Variants in PRKCH observed in about 807,000 individuals in gnomAD.
PRKCH encodes protein kinase C eta type.
Under a neutral mutation model 82.5 loss-of-function variants are expected in PRKCH, and 28 were observed. That is an observed-to-expected ratio of 0.34 (90% CI 0.25 to 0.47). PRKCH has a LOEUF of 0.47. Among genes scored for constraint, PRKCH ranks in the 20% least tolerant of loss-of-function variants. PRKCH has a pLI of 1.00. For synonymous variants in PRKCH, 322 were observed against 327.4 expected, an observed-to-expected ratio of 0.98 and a Z score of 0.18; for missense variants, 705 against 881.8, an observed-to-expected ratio of 0.80 and a Z score of 2.54.
intron 1 of PRKCH, among the ~76,000 whole-genome samples, chr14:61,241,137 C>G (rs2044833322): frequency 3.9e-5 from 6 of 152,158 alleles, no homozygotes; most frequent in Admixed American, 3.9e-4. Flanking sequence ...GCTCACAGAA[C>G]TCAGGAAATA....
chr14:61,252,812 C>T (rs1396512805), intron 1 of PRKCH, among the ~76,000 whole-genome samples: 3 of 152,210 alleles, frequency 2.0e-5, no homozygotes, highest in Non-Finnish European at 4.4e-5. Context: ...TGCAATCCCA[C>T]CTCCAAAGCC....
At chr14:61,541,915 G>A (rs1383777683) in intron 12 of PRKCH, among the ~76,000 whole-genome samples, 2 of 152,236 alleles carry the variant, frequency 1.3e-5, no homozygotes, top group African/African-American at 2.4e-5. Context: ...GATTTGCAAA[G>A]AAGCTGCTCC....
At chr14:61,268,369 A>G (rs1360478105) in intron 1 of PRKCH, among the ~76,000 whole-genome samples, 1 of 152,220 alleles carries the variant, frequency 6.6e-6, no homozygotes, top group East Asian at 1.9e-4. Flanking sequence ...ATAGTTTACA[A>G]AAATTTATAT....
At chr14:61,317,233 T>C (rs1292761108), upstream of PRKCH, among the ~76,000 whole-genome samples, 2 of 152,092 alleles carry the variant, frequency 1.3e-5, no homozygotes, top group Non-Finnish European at 2.9e-5. Context: ...AACAAGCCCT[T>C]CTTCTAGTGA....
chr14:61,287,251 T>C (rs1451064923), intron 1 of PRKCH, among the ~76,000 whole-genome samples: 3 of 123,970 alleles, frequency 2.4e-5, no homozygotes, highest in Admixed American at 8.8e-5. Context: ...CCAGCAAGGA[T>C]AGGGCTGGAC....
intron 1 of PRKCH, among the ~76,000 whole-genome samples, chr14:61,352,848 A>C (rs1447787053): frequency 6.6e-6 from 1 of 152,222 alleles, no homozygotes; most frequent in African/African-American, 2.4e-5. Flanking sequence ...ATAGGCCTGC[A>C]TCGTTAATTT....
intron 10 of PRKCH, among the ~76,000 whole-genome samples, chr14:61,523,815 T>A (rs143442125): frequency 2.6e-5 from 4 of 152,346 alleles, no homozygotes; most frequent in Non-Finnish European, 5.9e-5. Flanking sequence ...ATTATTATCT[T>A]TGAGATTCAG....
chr14:61,437,811 T>C (rs1246504468), intron 2 of PRKCH, among the ~76,000 whole-genome samples: 1 of 152,044 alleles, frequency 6.6e-6, no homozygotes, highest in African/African-American at 2.4e-5. Context: ...AAATCCTTTC[T>C]ATCGACCAGG....
At chr14:61,264,849 G>A (rs1258812384) in intron 1 of PRKCH, among the ~76,000 whole-genome samples, 1 of 152,158 alleles carries the variant, frequency 6.6e-6, no homozygotes, top group East Asian at 1.9e-4. Context: ...TTAGATTTTG[G>A]CTACTGTGGT....
chr14:61,398,862 A>AT (rs1194464939), intron 2 of PRKCH, among the ~76,000 whole-genome samples: 1 of 152,246 alleles, frequency 6.6e-6, no homozygotes, highest in East Asian at 1.9e-4. Flanking sequence ...AGGCATATTA[A>AT]TCATTTGCAA....
intron 7 of PRKCH, 162 bp from the exon 8 acceptor site, chr14:61,457,014 G>A: frequency 1.5e-6 from 1 of 678,946 alleles, no homozygotes; most frequent in South Asian, 2.0e-5. Flanking sequence ...TGATACTGAG[G>A]GAGTTTCGAG....
At chr14:61,340,372 AGGGGGCGGGGTG>A (rs1229651331) in intron 1 of PRKCH, among the ~76,000 whole-genome samples, 2 of 2,624 alleles carry the variant, frequency 7.6e-4, no homozygotes, top group East Asian at 0.011. Context: ...CCCAGGTGGG[AGGGGGCGGGGTG>A]GGGGGCGGGG....
chr14:61,285,465 T>C (rs1334149737), intron 1 of PRKCH, among the ~76,000 whole-genome samples: 3 of 152,212 alleles, frequency 2.0e-5, no homozygotes, highest in African/African-American at 7.2e-5. Flanking sequence ...GTTCTCATGA[T>C]TGCTTATCTG....
intron 1 of PRKCH, among the ~76,000 whole-genome samples, chr14:61,386,935 CA>C (rs758363133): frequency 2.0e-5 from 3 of 151,542 alleles, no homozygotes; most frequent in Non-Finnish European, 4.4e-5. Flanking sequence ...GCTCAAATAA[CA>C]AAAAAAAATC....
chr14:61,433,776 G>T (rs771210328), intron 2 of PRKCH, among the ~76,000 whole-genome samples: 4 of 152,216 alleles, frequency 2.6e-5, no homozygotes, highest in Non-Finnish European at 4.4e-5. Flanking sequence ...GGTGAAAGTA[G>T]TTGGCTGCGC....
intron 1 of PRKCH, among the ~76,000 whole-genome samples, chr14:61,210,132 A>G (rs1306154308): frequency 5.4e-5 from 2 of 36,776 alleles, no homozygotes; most frequent in African/African-American, 1.4e-4. Flanking sequence ...ATATATATAT[A>G]TATATATATA....
Position 61,493,613 on chromosome 14 carries a change from A to C in PRKCH, c.1433+7957A>C, listed in dbSNP as rs975090336. The stretch of plus-strand genomic sequence containing the variant: ...TGATAGAAAACTTGCAGTGTCAGAC[A>C]CAAATTCCATGCCAGGGAGTCTGGG... On this transcript the variant is annotated intron_variant, in intron 10 of 13. Transcript: ENST00000332981. 2.0e-5 allele frequency among the ~76,000 whole-genome samples: 3 copies of C among 152,242 alleles called. No individual in the cohort carries two copies. The South Asian group carries it at 6.2e-4, about 32-fold the overall frequency.
intron 1 of PRKCH, among the ~76,000 whole-genome samples, chr14:61,242,910 T>C (rs989354944): frequency 6.6e-6 from 1 of 152,158 alleles, no homozygotes; most frequent in Non-Finnish European, 1.5e-5. Context: ...TGCCAGGCAC[T>C]TTGCTAGGTA....
intron 9 of PRKCH, among the ~76,000 whole-genome samples, chr14:61,470,297 C>T (rs907831679): frequency 6.6e-6 from 1 of 151,866 alleles, no homozygotes; most frequent in African/African-American, 2.4e-5. Context: ...AGAGTAGCAG[C>T]CCCAGTAGGC....
Sources: allele counts gnomAD v4.1 joint callset (sites outside exome capture counted in the v4.1 genomes callset), GRCh38; gene constraint gnomAD v4.1.1; transcripts MANE v1.5; gene names NCBI Gene and HGNC (gene_info 2026-07-23, HGNC 2026-07-21).